Variants in LAMB1 observed in about 807,000 individuals in gnomAD.
LAMB1 encodes the protein laminin subunit beta-1.
Under a neutral mutation model 222.3 loss-of-function variants are expected in LAMB1, and 121 were observed. The observed-to-expected ratio is 0.54, with a 90% confidence interval of 0.47 to 0.63. The LOEUF is 0.63. LAMB1 is among the 30% of genes least tolerant of loss of function. LAMB1 has a pLI of 0.00. For missense variants in LAMB1, 2,172 were observed against 2,240.8 expected (o/e 0.97, Z 0.62); for synonymous variants, 794 against 807.2 (o/e 0.98, Z 0.28).
intron 17 of LAMB1, 133 bp downstream of exon 17, chr7:107,961,073 A>G: frequency 1.0e-6 from 1 of 967,806 alleles, no homozygotes; most frequent in Non-Finnish European, 1.5e-6. Context: ...TAAGCAAAGT[A>G]ACCGTGGAGG....
rs1330893051 is a variant in LAMB1, at chr7:107,961,326, A to G, written c.1989T>C (p.Tyr663=). The part of the protein sequence containing the change: ...QVVSLSPGSR[Y]VVLPRPVCFE... ...AGCACACCGGCCGAGGAAGGACGAC[A>G]TATCTGCCCCCAAACAAAAAAGAAA... The change falls in exon 17 of 34, where the codon TAT becomes TAC. Residue 663 remains tyrosine (Y), a synonymous_variant. Coordinates refer to ENST00000222399, the MANE Select transcript of LAMB1 (RefSeq NM_002291.3). 2.5e-6 allele frequency: 4 copies of G among 1,612,990 alleles called. No homozygotes were observed. The highest frequency in any genetic ancestry group is 3.4e-6 in the Non-Finnish European group (4 of 1,179,768).
intron 13 of LAMB1, among the ~76,000 whole-genome samples, chr7:107,970,403 G>A (rs1249936883): frequency 6.8e-6 from 1 of 146,522 alleles, no homozygotes; most frequent in Non-Finnish European, 1.5e-5. Flanking sequence ...TGGGAGAATC[G>A]CTTGAACCCA....
intron 14 of LAMB1, 40 bp from the exon 15 acceptor site, chr7:107,963,103 T>C: frequency 1.3e-6 from 2 of 1,509,926 alleles, no homozygotes; most frequent in East Asian, 4.6e-5. Context: ...GTATTTGAAA[T>C]GGAATTCAAT....
intron 32 of LAMB1, among the ~76,000 whole-genome samples, chr7:107,924,808 G>A (rs2116302560): frequency 6.6e-6 from 1 of 152,132 alleles, no homozygotes; most frequent in East Asian, 1.9e-4. Context: ...GGAAATCAGA[G>A]GAAAAAGATT....
rs2033444510 is a variant in LAMB1, at chr7:107,959,359, G to T, written c.2580C>A (p.Gly860=). 1.9e-6 allele frequency: 3 copies of T among 1,614,214 alleles called. No individual in the cohort carries two copies. The highest frequency in any genetic ancestry group is 2.5e-6 in the Non-Finnish European group (3 of 1,180,030). Residue 860 remains glycine (G), a synonymous_variant, in exon 20 of 34, where the codon GGC becomes GGA. Transcript: ENST00000222399. The stretch of plus-strand genomic sequence containing the variant: ...ACTGGCAGGGCTGGCAACTTGGAAA[G>T]CCCCAGTGCCCAGGTAAGCACCGAT... ...QCDRCLPGHW[G]FPSCQPCQCN... is the part of the protein sequence containing the mutation.
Position 107,940,121 on chromosome 7 carries a change from C to T in LAMB1, c.3629G>A (p.Ser1210Asn), listed in dbSNP as rs369890673. The T allele has an allele frequency of 2.5e-6, 4 of 1,614,212 alleles. No individual in the cohort carries two copies. Among genetic ancestry groups the T allele is most frequent in the East Asian group, 2.2e-5 (1 of 44,884 alleles). The change falls in exon 25 of 34, where the codon AGT becomes AAT. Residue 1210 changes from serine (S) to asparagine (N), a missense_variant. Transcript: ENST00000222399. ...FLEKAKALKI[S>N]GVIGPYRETV... is the part of the protein sequence containing the mutation. Reference sequence around the variant, plus strand: ...CTCACGGTAAGGCCCGATCACACCACTGATCTTCAAGGCCTTGGCTTTCTC... The same window carrying T: ...CTCACGGTAAGGCCCGATCACACCATTGATCTTCAAGGCCTTGGCTTTCTC...
chr7:107,959,402 A>G lies in LAMB1; in HGVS notation c.2537T>C (p.Val846Ala), dbSNP rs771338581. The G allele has an allele frequency of 6.8e-6, 11 of 1,614,098 alleles. No individual in the cohort carries two copies. Among genetic ancestry groups the G allele is most frequent in the Non-Finnish European group, 9.3e-6 (11 of 1,180,014 alleles). ...VTGQCHCFQG[V>A]YARQCDRCLP... is the part of the protein sequence containing the mutation. ...GCACCGATCACACTGCCGAGCATAC[A>G]CTCCCTGGAAACAGTGGCACTGGCC... The change falls in exon 20 of 34, where the codon GTG becomes GCG. Residue 846 changes from valine (V) to alanine (A), a missense_variant. Coordinates refer to ENST00000222399, the MANE Select transcript of LAMB1 (RefSeq NM_002291.3).
Position 107,924,395 on chromosome 7 carries a change from G to T in LAMB1, c.5065-6C>A. On this transcript the variant is annotated splice_region_variant and splice_polypyrimidine_tract_variant and intron_variant, in intron 32 of 33. Transcript: ENST00000222399. ...TCAAGTTCACCATCTAAAGTCTATAGTTCCACATTTAGACAGAAAGAAGTG... is the reference window on the plus strand; with the variant it reads ...TCAAGTTCACCATCTAAAGTCTATATTTCCACATTTAGACAGAAAGAAGTG... The T allele has an allele frequency of 6.3e-7, 1 of 1,593,002 alleles. No individual in the cohort carries two copies. Among genetic ancestry groups the T allele is most frequent in the South Asian group, 1.1e-5 (1 of 88,544 alleles).
intron 9 of LAMB1, among the ~76,000 whole-genome samples, chr7:107,976,124 TG>T (rs2033848948): frequency 6.6e-6 from 1 of 152,124 alleles, no homozygotes; most frequent in African/African-American, 2.4e-5. Context: ...TGGAAGAGAA[TG>T]GGCTATGAAA....
At position 107,978,413 on chromosome 7, in the gene LAMB1, G is replaced by A. The variant is rs78998820; in HGVS notation, c.880-246C>T. On this transcript the variant is annotated intron_variant, in intron 8 of 33. Coordinates refer to ENST00000222399, the MANE Select transcript of LAMB1 (RefSeq NM_002291.3). ...GGATGCACAAGAAATATTTTACTGA[G>A]TATCTATGAAAAGAACCCAGATGAA... 0.015 allele frequency among the ~76,000 whole-genome samples: 2,225 copies of A among 146,742 alleles called. 60 individuals are homozygous for A. The highest frequency in any genetic ancestry group is 0.052 in the African/African-American group (2,045 of 39,620).
At chr7:107,963,721 A>C (rs35872871) in intron 14 of LAMB1, among the ~76,000 whole-genome samples, 4,383 of 152,328 alleles carry the variant, frequency 0.029, 91 homozygotes, top group Non-Finnish European at 0.044. Context: ...ACAGAACCTG[A>C]GGAACTTTCT....
chr7:107,963,016 G>A lies in LAMB1; in HGVS notation c.1746C>T (p.Ser582=). ...ERQYIQDRIP[S]WTGAGFVRVP... is the part of the protein sequence containing the mutation. ...CTCGGACGAAGCCGGCTCCAGTCCA[G>A]GAGGGAATCCGGTCCTGGATATATT... is the stretch of plus-strand genomic sequence containing the variant. The change falls in exon 15 of 34, where the codon TCC becomes TCT. Residue 582 remains serine (S), a synonymous_variant. Transcript: ENST00000222399. 6.2e-7 allele frequency: 1 copy of A among 1,614,062 alleles called. No homozygotes were observed. Among genetic ancestry groups the A allele is most frequent in the South Asian group, 1.1e-5 (1 of 91,060 alleles).
intron 7 of LAMB1, among the ~76,000 whole-genome samples, chr7:107,981,751 T>C (rs1310386963): frequency 1.3e-5 from 2 of 152,202 alleles, no homozygotes; most frequent in African/African-American, 4.8e-5. Context: ...GGAAAAGATT[T>C]ATCAAAGCAC....
At chr7:107,981,504 T>G (rs2033973805) in intron 7 of LAMB1, among the ~76,000 whole-genome samples, 1 of 151,286 alleles carries the variant, frequency 6.6e-6, no homozygotes, top group Non-Finnish European at 1.5e-5. Flanking sequence ...TCCCAGTTAC[T>G]CTGGAGGTTG....
chr7:107,961,298 C>CA lies in LAMB1; in HGVS notation c.2016dup (p.Glu673Ter). ...CTCACCGTGTAGTTTGTTCCCTTCTCAAAGCACACCGGCCGAGGAAGGACG... is the reference window on the plus strand; with the variant it reads ...CTCACCGTGTAGTTTGTTCCCTTCTCAAAAGCACACCGGCCGAGGAAGGACG... On this transcript the variant is annotated frameshift_variant, in exon 17 of 34. Coordinates refer to ENST00000222399, the MANE Select transcript of LAMB1 (RefSeq NM_002291.3). LOFTEE classifies it high-confidence loss of function. The CA allele has an allele frequency of 6.2e-7, 1 of 1,614,120 alleles. No individual in the cohort carries two copies. The highest frequency in any genetic ancestry group is 8.5e-7 in the Non-Finnish European group (1 of 1,180,024).
At chr7:107,987,492 G>C (rs2150447447) in intron 5 of LAMB1, among the ~76,000 whole-genome samples, 1 of 152,272 alleles carries the variant, frequency 6.6e-6, no homozygotes, top group South Asian at 2.1e-4. Flanking sequence ...ACTTCACAGA[G>C]AAGAAGGCAT....
intron 4 of LAMB1, 111 bp from the exon 5 acceptor site, chr7:107,995,071 C>A: frequency 1.6e-6 from 1 of 613,994 alleles, no homozygotes; most frequent in Non-Finnish European, 2.8e-6. Flanking sequence ...TAGAAATTAT[C>A]CTCGCATTCT....
intron 15 of LAMB1, among the ~76,000 whole-genome samples, chr7:107,962,411 T>A (rs1231575637): frequency 1.3e-5 from 2 of 151,614 alleles, no homozygotes; most frequent in African/African-American, 2.4e-5. Context: ...AGAAACTGGA[T>A]TCAAGAAAAT....
At chr7:107,962,722 A>AAG (rs1562991768) in intron 15 of LAMB1, among the ~76,000 whole-genome samples, 183 bp downstream of exon 15, 1 of 151,624 alleles carries the variant, frequency 6.6e-6, no homozygotes. Context: ...AAAAAAAAAA[A>AAG]AAAGAAAGAA....
Sources: gnomAD v4.1 joint callset for allele counts (sites outside exome capture counted in the v4.1 genomes callset) on GRCh38, gnomAD v4.1.1 for gene constraint, MANE v1.5 for transcripts, NCBI Gene and HGNC (gene_info 2026-07-23, HGNC 2026-07-21) for gene names.